Variants in SMPD3 observed in about 807,000 individuals in gnomAD.
SMPD3 encodes sphingomyelin phosphodiesterase 3, also known as nSMase-2.
SMPD3 carries 21 observed loss-of-function variants against 55.7 expected under a neutral mutation model. The observed-to-expected ratio is 0.38, with a 90% CI of 0.27 to 0.54. The LOEUF is 0.54. SMPD3 is among the 20% of genes least tolerant of loss of function. The pLI is 0.80. For synonymous variants in SMPD3, 457 were observed against 404.3 expected, an observed-to-expected ratio of 1.13 and a Z score of -1.56; for missense variants, 842 against 899.6, an observed-to-expected ratio of 0.94 and a Z score of 0.82.
At chr16:68,370,296 A>C (rs1315522379) in intron 3 of SMPD3, 1 of 154,048 alleles carries the variant, frequency 6.5e-6, no homozygotes, top group Non-Finnish European at 1.4e-5. Flanking sequence ...CAGCTGCACG[A>C]CAGCCAGGAG....
Position 68,384,920 on chromosome 16 carries a change from G to A in SMPD3, c.-207+1678C>T, listed in dbSNP as rs550168529. Among the ~76,000 whole-genome samples, 6 of 152,226 alleles carry A rather than the reference G, an allele frequency of 3.9e-5. No homozygotes were observed. In the South Asian group the frequency reaches 8.3e-4, roughly 21 times the overall value. ...CTGAGGCCACCTGCGGCCTGCTTGG[G>A]ACCTCAAACTCATTCCCTCCCTTCC... On this transcript the variant is annotated intron_variant, in intron 2 of 8. Transcript: ENST00000219334.
Position 68,358,911 on chromosome 16 carries a change from G to C in SMPD3, c.*2295C>G, listed in dbSNP as rs1283499021. On this transcript the variant is annotated 3_prime_UTR_variant, in exon 9 of 9. Coordinates refer to ENST00000219334, the MANE Select transcript of SMPD3 (RefSeq NM_018667.4). ...GGCAGCCACAATGAGACACGTGGGT[G>C]GGGGGGTCCCGGTCTTGGTGCTGAG... 16 of 150,548 alleles carry C rather than the reference G, an allele frequency of 1.1e-4. No homozygotes were observed. The highest frequency in any genetic ancestry group is 9.3e-4 in the Admixed American group (14 of 15,122). The allele number at this position is 150,548 out of a possible 1,614,324, so 9.3% of individuals were successfully genotyped here.
At chr16:68,389,452 C>T (rs1401473471) in intron 1 of SMPD3, among the ~76,000 whole-genome samples, 3 of 152,338 alleles carry the variant, frequency 2.0e-5, no homozygotes, top group Middle Eastern at 3.4e-3. Context: ...GCAGAACCAG[C>T]TGTGGAGATG....
chr16:68,365,191 C>T (rs1385536743), intron 3 of SMPD3, 99 bp from the exon 4 acceptor site: 3 of 1,237,332 alleles, frequency 2.4e-6, no homozygotes, highest in African/African-American at 3.0e-5. Flanking sequence ...GTCAGACCCT[C>T]ACAAGCCTGG....
chr16:68,436,486 C>T (rs539422254), intron 1 of SMPD3, among the ~76,000 whole-genome samples: 1 of 152,284 alleles, frequency 6.6e-6, no homozygotes, highest in South Asian at 2.1e-4. Flanking sequence ...CTATCTCTGT[C>T]TTCCTTCTAG....
intron 1 of SMPD3, among the ~76,000 whole-genome samples, chr16:68,438,806 T>A (rs1229887372): frequency 6.6e-6 from 1 of 152,090 alleles, no homozygotes; most frequent in African/African-American, 2.4e-5. Flanking sequence ...TCCTTCAAAA[T>A]AATAGTTACT....
chr16:68,404,146 G>C lies in SMPD3; in HGVS notation c.-268-17487C>G, dbSNP rs112983055. The stretch of plus-strand genomic sequence containing the variant: ...TCCTCCCACCTCAGCCTCCCGAGTA[G>C]CTGGGACTACTCAGTGCACACCACC... On this transcript the variant is annotated intron_variant, in intron 1 of 8. Coordinates refer to ENST00000219334, the MANE Select transcript of SMPD3 (RefSeq NM_018667.4). This position sits in a 1 kb window ranked among gnomAD's most constrained non-coding sequence, Gnocchi z 4.0. Among the ~76,000 whole-genome samples the C allele has an allele frequency of 2.1e-3, 323 of 151,722 alleles. 2 individuals carry two copies. Among genetic ancestry groups the C allele is most frequent in the African/African-American group, 7.0e-3 (291 of 41,346 alleles).
At chr16:68,384,644 G>A (rs556157811) in intron 2 of SMPD3, among the ~76,000 whole-genome samples, 1 of 152,160 alleles carries the variant, frequency 6.6e-6, no homozygotes, top group African/African-American at 2.4e-5. Flanking sequence ...CCTGGGGTTG[G>A]GGGGTAAGGT....
At position 68,372,281 on chromosome 16, in the gene SMPD3, G is replaced by A; in HGVS notation, c.-100C>T. 2.0e-6 allele frequency: 3 copies of A among 1,483,096 alleles called. No individual in the cohort carries two copies. The highest frequency in any genetic ancestry group is 1.3e-5 in the South Asian group (1 of 78,562). 91.9% of individuals were successfully genotyped at this position (1,483,096 alleles called of 1,614,324 possible). A position where few individuals can be genotyped will look rare whatever the true frequency, so the allele number is the denominator to read the frequency against. On this transcript the variant is annotated 5_prime_UTR_variant, in exon 3 of 9. Coordinates refer to ENST00000219334, the MANE Select transcript of SMPD3 (RefSeq NM_018667.4). ...GGTGGGCGAGTTGGGGGCAGCTGGA[G>A]GAGGGGTCACCTCCTGGCGAGATGC...
intron 1 of SMPD3, among the ~76,000 whole-genome samples, chr16:68,437,951 TTTTGTAAAACAAGCTG>T (rs1311358188): frequency 1.3e-5 from 2 of 152,182 alleles, no homozygotes. Flanking sequence ...AAAAATCTCC[TTTTGTAAAACAAGCTG>T]TTTGCACAGG....
In SMPD3 at chr16:68,361,750, C is replaced by T; in HGVS notation, c.1719G>A (p.Glu573=). 6.2e-7 allele frequency: 1 copy of T among 1,612,398 alleles called. No individual in the cohort carries two copies. The highest frequency in any genetic ancestry group is 1.1e-5 in the South Asian group (1 of 91,078). Reference sequence around the variant, plus strand: ...GGTACTCCCTGCGGCCCTCCTCACTCTCCAGGACCCTGTCCACACATGCAG... The same window carrying T: ...GGTACTCCCTGCGGCCCTCCTCACTTTCCAGGACCCTGTCCACACATGCAG... The part of the protein sequence containing the change: ...CTPDNLQKVL[E]SEEGRREYLA... The change falls in exon 8 of 9, where the codon GAG becomes GAA. Residue 573 remains glutamate (E), a synonymous_variant. Transcript: ENST00000219334.
At chr16:68,402,803 A>T (rs1000036009) in intron 1 of SMPD3, among the ~76,000 whole-genome samples, 2 of 152,222 alleles carry the variant, frequency 1.3e-5, no homozygotes, top group African/African-American at 4.8e-5. Flanking sequence ...AATGCATTCA[A>T]TAGTTAGGAA....
At position 68,360,621 on chromosome 16, in the gene SMPD3, G is replaced by T. The variant is rs1157699240; in HGVS notation, c.*585C>A. ...GAGACCCTGGGAAGAGCCCTGGGCT[G>T]GCTGGTAGAGATGCAGCCCTCGGAC... is the stretch of plus-strand genomic sequence containing the variant. On this transcript the variant is annotated 3_prime_UTR_variant, in exon 9 of 9. Coordinates refer to ENST00000219334, the MANE Select transcript of SMPD3 (RefSeq NM_018667.4). 6.5e-6 allele frequency: 1 copy of T among 153,932 alleles called. No individual in the cohort carries two copies. Among genetic ancestry groups the T allele is most frequent in the Non-Finnish European group, 1.5e-5 (1 of 68,912 alleles). 9.5% of individuals were successfully genotyped at this position (153,932 alleles called of 1,614,324 possible).
intron 1 of SMPD3, among the ~76,000 whole-genome samples, chr16:68,413,478 G>A (rs555003144): frequency 2.0e-5 from 3 of 152,224 alleles, no homozygotes; most frequent in Non-Finnish European, 2.9e-5. Context: ...CAAGGCCTTT[G>A]ATGATGAGAG....
rs144363612 is a variant in SMPD3, at chr16:68,389,088, C to T, written c.-268-2429G>A. On this transcript the variant is annotated intron_variant, in intron 1 of 8. Transcript: ENST00000219334. ...GGTGAAACAGAAGAACCTTTCATCC[C>T]GGCTGAGCAGGGCCTGCAATGCTGC... Among the ~76,000 whole-genome samples, 41 of 152,326 alleles carry T rather than the reference C, an allele frequency of 2.7e-4. No individual in the cohort carries two copies. The East Asian group carries it at 6.0e-3, about 22-fold the overall frequency.
chr16:68,387,471 C>T (rs1306635855), intron 1 of SMPD3, among the ~76,000 whole-genome samples: 3 of 152,154 alleles, frequency 2.0e-5, no homozygotes, highest in Non-Finnish European at 4.4e-5. Flanking sequence ...CCCGCCCTTG[C>T]CCACTAGTCC....
intron 1 of SMPD3, among the ~76,000 whole-genome samples, chr16:68,444,302 G>A (rs2090592247): frequency 6.6e-6 from 1 of 152,204 alleles, no homozygotes; most frequent in African/African-American, 2.4e-5. Context: ...CCAGGGAGCA[G>A]GAGGGTCTTG....
Position 68,394,397 on chromosome 16 carries a change from A to G in SMPD3, c.-268-7738T>C, listed in dbSNP as rs570475998. 8.5e-5 allele frequency among the ~76,000 whole-genome samples: 13 copies of G among 152,286 alleles called. No homozygotes were observed. The South Asian group carries it at 2.5e-3, about 29-fold the overall frequency. ...CTTCCAGGTGTTTTCTAATTCTTTT[A>G]TAATTTTCACCGTGGAATTACAGCT... On this transcript the variant is annotated intron_variant, in intron 1 of 8. Coordinates refer to ENST00000219334, the MANE Select transcript of SMPD3 (RefSeq NM_018667.4).
chr16:68,378,984 TC>T (rs1389517137), intron 2 of SMPD3, among the ~76,000 whole-genome samples: 1 of 152,210 alleles, frequency 6.6e-6, no homozygotes, highest in Non-Finnish European at 1.5e-5. Context: ...CCACAGACTT[TC>T]CAATTAATGA....
Sources: allele counts gnomAD v4.1 joint callset (sites outside exome capture counted in the v4.1 genomes callset), GRCh38; gene constraint gnomAD v4.1.1; non-coding constraint Gnocchi (gnomAD v3.1); transcripts MANE v1.5; gene names NCBI Gene and HGNC (gene_info 2026-07-23, HGNC 2026-07-21).